Variants in DMD observed in about 807,000 individuals in gnomAD.
DMD encodes the protein dystrophin.
DMD carries 63 observed loss-of-function variants against 330.1 expected under a neutral mutation model. The ratio of observed to expected loss-of-function variants is 0.19; its 90% confidence interval spans 0.16 to 0.24. The LOEUF (loss-of-function observed/expected upper bound fraction) is 0.24, where lower values mean the gene tolerates loss of function less well. DMD is among the 10% of genes least tolerant of loss of function. The pLI, the probability that DMD is intolerant of heterozygous loss-of-function variation, is 1.00. For synonymous variants in DMD, 1,223 were observed against 959.8 expected, an observed-to-expected ratio of 1.27 and a Z score of -5.07; for missense variants, 3,344 against 2,684.1, an observed-to-expected ratio of 1.25 and a Z score of -5.43.
intron 44 of DMD, among the ~76,000 whole-genome samples, chrX:32,104,419 G>A (rs1321376002): frequency 9.0e-6 from 1 of 111,174 alleles, no homozygotes; most frequent in Admixed American, 9.6e-5. Context: ...TGAAGAAGCT[G>A]CCAGGACTGG....
At chrX:32,369,608 G>A (rs1392452186) in intron 34 of DMD, among the ~76,000 whole-genome samples, 3 of 111,113 alleles carry the variant, frequency 2.7e-5, no homozygotes, top group Non-Finnish European at 3.8e-5. Context: ...CAGGGGTAAA[G>A]AAATGTAGCT....
At chrX:31,274,805 A>G (rs752847998) in intron 62 of DMD, among the ~76,000 whole-genome samples, 54 of 112,264 alleles carry the variant, frequency 4.8e-4, no homozygotes, top group African/African-American at 1.7e-3. Flanking sequence ...GTATTTGCTT[A>G]TCATTTAAAC....
At chrX:33,094,961 A>AT (rs1260474958) in intron 1 of DMD, among the ~76,000 whole-genome samples, 1 of 111,817 alleles carries the variant, frequency 8.9e-6, no homozygotes, top group Non-Finnish European at 1.9e-5. Context: ...TCATAATCTA[A>AT]TTTTTTATTA....
intron 29 of DMD, among the ~76,000 whole-genome samples, chrX:32,428,852 G>A (rs1238320252): frequency 1.8e-5 from 2 of 111,382 alleles, no homozygotes; most frequent in Non-Finnish European, 3.8e-5. Flanking sequence ...CCTCAGGTGA[G>A]CCACCCACCT....
chrX:31,460,634 T>C (rs1050229954), intron 59 of DMD, among the ~76,000 whole-genome samples: 1 of 111,553 alleles, frequency 9.0e-6, no homozygotes. Flanking sequence ...CAGCCTGGAG[T>C]ACAGTGGAGT....
intron 52 of DMD, among the ~76,000 whole-genome samples, chrX:31,724,382 C>G (rs750589620): frequency 8.9e-6 from 1 of 112,015 alleles, no homozygotes; most frequent in Admixed American, 9.5e-5. Flanking sequence ...TCAGTTAATT[C>G]AAAAATCGTG....
At chrX:31,897,843 G>T (rs2094365449) in intron 47 of DMD, among the ~76,000 whole-genome samples, 1 of 109,677 alleles carries the variant, frequency 9.1e-6, no homozygotes, top group African/African-American at 3.3e-5. Flanking sequence ...AGATGAGTAG[G>T]TTGCGAAAAT....
intron 7 of DMD, among the ~76,000 whole-genome samples, chrX:32,726,388 T>C (rs2066885987): frequency 9.0e-6 from 1 of 111,527 alleles, no homozygotes; most frequent in Non-Finnish European, 1.9e-5. Context: ...CAAATGGCCT[T>C]GTGTCAGTTT....
At chrX:31,204,191 C>T in intron 66 of DMD, 73 bp from the exon 67 acceptor site, 1 of 958,878 alleles carries the variant, frequency 1.0e-6, no homozygotes. Context: ...TGACATCCAA[C>T]TCAATTCCAG....
chrX:32,074,865 G>GCAACAACAACAACGA (rs1313451585), intron 44 of DMD, among the ~76,000 whole-genome samples: 7 of 103,899 alleles, frequency 6.7e-5, no homozygotes, highest in African/African-American at 2.5e-4. Context: ...AGCAGCAGCA[G>GCAACAACAACAACGA]CAACAACAAC....
chrX:33,116,978 A>G (rs1168407867), intron 1 of DMD, among the ~76,000 whole-genome samples: 2 of 111,156 alleles, frequency 1.8e-5, no homozygotes, highest in African/African-American at 6.5e-5. Context: ...TAAGAATTAC[A>G]TAGTCAATCA....
At chrX:32,428,985 T>C (rs972320850) in intron 29 of DMD, among the ~76,000 whole-genome samples, 23 of 111,476 alleles carry the variant, frequency 2.1e-4, no homozygotes, top group African/African-American at 7.5e-4. Flanking sequence ...CCATAATGTC[T>C]ATTTTGCTGG....
chrX:31,804,045 G>C (rs1423933083), intron 50 of DMD, among the ~76,000 whole-genome samples: 1 of 110,738 alleles, frequency 9.0e-6, no homozygotes, highest in Non-Finnish European at 1.9e-5. Flanking sequence ...TAGATGTTTA[G>C]GTGTTCTTAC....
intron 30 of DMD, among the ~76,000 whole-genome samples, chrX:32,394,921 A>AAAAAC (rs2098031542): frequency 1.3e-4 from 8 of 63,757 alleles, no homozygotes; most frequent in African/African-American, 4.4e-4. Flanking sequence ...AAAAACAAAA[A>AAAAAC]AAAAAAAAAA....
intron 55 of DMD, among the ~76,000 whole-genome samples, chrX:31,570,096 T>TG (rs1470232370): frequency 9.0e-6 from 1 of 111,615 alleles, no homozygotes; most frequent in African/African-American, 3.2e-5. Context: ...CTACTGCATT[T>TG]GGTCCTTGGG....
At chrX:32,202,639 C>T (rs746600500) in intron 44 of DMD, among the ~76,000 whole-genome samples, 18 of 112,194 alleles carry the variant, frequency 1.6e-4, no homozygotes, top group African/African-American at 4.2e-4. Context: ...CGTGAGCCAC[C>T]GCACCCAGCC....
In DMD at chrX:32,595,791, T is replaced by A. The variant is rs751216373; in HGVS notation, c.1568A>T (p.Asp523Val). The A allele has an allele frequency of 1.7e-6, 2 of 1,208,746 alleles. No homozygotes were observed. The highest frequency in any genetic ancestry group is 2.2e-5 in the Admixed American group (1 of 45,760). The change falls in exon 13 of 79, where the codon GAT becomes GTT. Residue 523 changes from aspartate (D) to valine (V), a missense_variant. Transcript: ENST00000357033. ...TTCTTCCAAAGCAGCAGTTGCGTGA[T>A]CTCCACTAGATTCATCAACTACCAC... ...MVVVVDESSGDHATAALEEQL... is the reference protein window; with the variant it reads ...MVVVVDESSGVHATAALEEQL...
intron 12 of DMD, among the ~76,000 whole-genome samples, chrX:32,607,581 A>G (rs1282521577): frequency 9.1e-6 from 1 of 110,324 alleles, no homozygotes; most frequent in Non-Finnish European, 1.9e-5. Context: ...CAGAAATATT[A>G]AACAGGATAG....
chrX:33,173,941 AATT>A (rs1249262796), intron 1 of DMD, among the ~76,000 whole-genome samples: 3 of 107,999 alleles, frequency 2.8e-5, no homozygotes, highest in African/African-American at 1.0e-4. Flanking sequence ...GATAAATAAT[AATT>A]AACTCCAATT....
Sources: allele counts gnomAD v4.1 joint callset (sites outside exome capture counted in the v4.1 genomes callset), GRCh38; gene constraint gnomAD v4.1.1; transcripts MANE v1.5; gene names NCBI Gene and HGNC (gene_info 2026-07-23, HGNC 2026-07-21).